Variants in POU2F1 observed in about 807,000 individuals in gnomAD.
POU2F1 encodes the protein POU domain, class 2, transcription factor 1.
In POU2F1, 16 loss-of-function variants were observed where a neutral mutation model predicts 84.9. That is an observed-to-expected ratio of 0.19 (90% CI 0.13 to 0.29). The LOEUF (loss-of-function observed/expected upper bound fraction) is 0.29, where lower values mean the gene tolerates loss of function less well. Among genes scored for constraint, POU2F1 ranks in the 10% least tolerant of loss-of-function variants. The probability of loss-of-function intolerance (pLI) is 1.00; values close to 1 mark genes in which losing one functional copy is unlikely to be tolerated. For synonymous variants in POU2F1, 368 were observed against 368.3 expected (o/e 1.00, Z 0.01); for missense variants, 738 against 942.6 (o/e 0.78, Z 2.84).
intron 3 of POU2F1, among the ~76,000 whole-genome samples, chr1:167,367,874 T>C (rs1046107670): frequency 5.3e-5 from 8 of 152,090 alleles, no homozygotes; most frequent in South Asian, 2.1e-4. Context: ...CTTCTTGCCT[T>C]GCATCTAACT....
At chr1:167,336,895 A>G (rs919351463) in intron 2 of POU2F1, among the ~76,000 whole-genome samples, 4 of 151,768 alleles carry the variant, frequency 2.6e-5, no homozygotes, top group African/African-American at 7.2e-5. Flanking sequence ...GCCAGGCGCC[A>G]TGGCTCATGC....
intron 2 of POU2F1, among the ~76,000 whole-genome samples, chr1:167,334,669 C>A (rs1657317966): frequency 6.6e-6 from 1 of 152,146 alleles, no homozygotes; most frequent in Admixed American, 6.5e-5. Context: ...GTGTGGCAGA[C>A]TGGTTCCTAT....
chr1:167,372,410 ATGGATTAGTACC>A (rs1660069094), intron 5 of POU2F1, among the ~76,000 whole-genome samples: 1 of 152,190 alleles, frequency 6.6e-6, no homozygotes, highest in Non-Finnish European at 1.5e-5. Flanking sequence ...AAGTTAAAGA[ATGGATTAGTACC>A]TGCAAAAGAA....
At chr1:167,272,553 T>C (rs376282169) in intron 1 of POU2F1, among the ~76,000 whole-genome samples, 256 of 152,144 alleles carry the variant, frequency 1.7e-3, no homozygotes, top group African/African-American at 6.0e-3. Context: ...AAACTTAGAA[T>C]CATGGCAGAA....
intron 1 of POU2F1, among the ~76,000 whole-genome samples, chr1:167,233,348 G>A (rs112129444): frequency 1.2e-4 from 18 of 150,058 alleles, no homozygotes; most frequent in African/African-American, 1.5e-4. Context: ...TTGTTGCCCC[G>A]GCTGGTCTTC....
rs71073658 is a variant in POU2F1, at chr1:167,267,630, C to CTTTTTTTTTT, written c.61+46688_61+46697dup. Among the ~76,000 whole-genome samples, 72 of 70,476 alleles carry CTTTTTTTTTT rather than the reference C, an allele frequency of 1.0e-3. 7 individuals are homozygous for CTTTTTTTTTT. The highest frequency in any genetic ancestry group is 1.5e-3 in the African/African-American group (27 of 18,356). 46.2% of individuals were successfully genotyped at this position (70,476 alleles called of 152,430 possible). A position where few individuals can be genotyped will look rare whatever the true frequency, so the allele number is the denominator to read the frequency against. On this transcript the variant is annotated intron_variant, in intron 1 of 15. Coordinates refer to ENST00000367866, the MANE Select transcript of POU2F1 (RefSeq NM_002697.4). ...TGTGAAAGTATCACAGTTACTGTGTCTTTTTTTTTTTTTTTTTTTTTTTTT... is the reference window on the plus strand; with the variant it reads ...TGTGAAAGTATCACAGTTACTGTGTCTTTTTTTTTTTTTTTTTTTTTTTTTTTTTTTTTTT...
Position 167,417,981 on chromosome 1 carries a change from C to T in POU2F1, c.*2171C>T, listed in dbSNP as rs751213041. 15 of 152,318 alleles carry T rather than the reference C, an allele frequency of 9.8e-5. No homozygotes were observed. Among genetic ancestry groups the T allele is most frequent in the Admixed American group, 2.0e-4 (3 of 15,304 alleles). The allele number at this position is 152,318 out of a possible 1,614,324, so 9.4% of individuals were successfully genotyped here. On this transcript the variant is annotated 3_prime_UTR_variant, in exon 16 of 16. Coordinates refer to ENST00000367866, the MANE Select transcript of POU2F1 (RefSeq NM_002697.4). ...TCTTACCCTTCACCTTCCCTAAAATCCTTCCAAAATCAGTGAACTGCAAGC... is the reference window on the plus strand; with the variant it reads ...TCTTACCCTTCACCTTCCCTAAAATTCTTCCAAAATCAGTGAACTGCAAGC...
intron 1 of POU2F1, among the ~76,000 whole-genome samples, chr1:167,323,404 A>T (rs1052288599): frequency 1.3e-5 from 2 of 152,210 alleles, no homozygotes; most frequent in Admixed American, 6.5e-5. Context: ...TGAGCTATGT[A>T]TATAGCTGTA....
chr1:167,306,950 T>C (rs964407490), intron 1 of POU2F1, among the ~76,000 whole-genome samples: 4 of 152,212 alleles, frequency 2.6e-5, no homozygotes, highest in African/African-American at 9.6e-5. Context: ...TTAAGTCCTT[T>C]CCTCTCCTAA....
chr1:167,280,437 C>T (rs1653053592), intron 1 of POU2F1, among the ~76,000 whole-genome samples: 1 of 151,330 alleles, frequency 6.6e-6, no homozygotes, highest in Non-Finnish European at 1.5e-5. Context: ...ACTCTGAACA[C>T]TTCCCACTAG....
At chr1:167,299,832 G>T (rs563001534) in intron 1 of POU2F1, among the ~76,000 whole-genome samples, 1 of 152,066 alleles carries the variant, frequency 6.6e-6, no homozygotes, top group East Asian at 1.9e-4. Context: ...GTCTTCTAGG[G>T]GTTTGTTAAA....
chr1:167,365,326 T>G (rs1255335880), intron 2 of POU2F1, 141 bp from the exon 3 acceptor site: 1 of 532,190 alleles, frequency 1.9e-6, no homozygotes, highest in Non-Finnish European at 3.3e-6. Context: ...CTGTTTCCTT[T>G]CTTTTGAATC....
chr1:167,279,254 A>T (rs1301519758), intron 1 of POU2F1, among the ~76,000 whole-genome samples: 3 of 152,256 alleles, frequency 2.0e-5, no homozygotes, highest in Non-Finnish European at 4.4e-5. Flanking sequence ...AAAGAAATTC[A>T]GTCTTTTGTT....
chr1:167,397,871 T>C, intron 10 of POU2F1, 123 bp from the exon 11 acceptor site: 3 of 1,014,490 alleles, frequency 3.0e-6, no homozygotes, highest in Admixed American at 5.4e-5. Context: ...ATGTAGGTTA[T>C]GTGAAAACCT....
chr1:167,405,635 C>T (rs1405681294), intron 13 of POU2F1, among the ~76,000 whole-genome samples: 1 of 152,048 alleles, frequency 6.6e-6, no homozygotes, highest in Admixed American at 6.6e-5. Context: ...CTGCAATAAG[C>T]TGAGATTGTA....
At chr1:167,362,115 C>T (rs886806177) in intron 2 of POU2F1, among the ~76,000 whole-genome samples, 3 of 152,188 alleles carry the variant, frequency 2.0e-5, no homozygotes, top group African/African-American at 7.2e-5. Flanking sequence ...CTGTTTCTCT[C>T]TCCTTTCCTT....
chr1:167,300,479 T>A (rs183380949), intron 1 of POU2F1, among the ~76,000 whole-genome samples: 12 of 152,330 alleles, frequency 7.9e-5, no homozygotes, highest in African/African-American at 2.9e-4. Context: ...TTTATTTATT[T>A]TTTTGAGACG....
intron 1 of POU2F1, among the ~76,000 whole-genome samples, chr1:167,302,314 G>A (rs1176429399): frequency 6.6e-6 from 1 of 150,582 alleles, no homozygotes. Context: ...AGGTTGGAGT[G>A]CAGTGGCGTG....
intron 1 of POU2F1, among the ~76,000 whole-genome samples, chr1:167,297,268 T>G (rs2102553586): frequency 6.6e-6 from 1 of 152,304 alleles, no homozygotes; most frequent in East Asian, 1.9e-4. Context: ...TTTAACGTAT[T>G]TGTTATTGGT....
Sources: allele counts gnomAD v4.1 joint callset (sites outside exome capture counted in the v4.1 genomes callset), GRCh38; gene constraint gnomAD v4.1.1; transcripts MANE v1.5; gene names NCBI Gene and HGNC (gene_info 2026-07-23, HGNC 2026-07-21).